FILIP1L: variants seen among roughly 807,000 people sequenced by gnomAD.
FILIP1L encodes filamin A interacting protein 1 like.
Under a neutral mutation model 96.6 loss-of-function variants are expected in FILIP1L, and 55 were observed. That is an observed-to-expected ratio of 0.57 (90% CI 0.46 to 0.71). FILIP1L has a LOEUF of 0.71. FILIP1L is among the 30% of genes least tolerant of loss of function. The probability of loss-of-function intolerance (pLI) is 0.00; values close to 1 mark genes in which losing one functional copy is unlikely to be tolerated. For synonymous variants in FILIP1L, 467 were observed against 473.9 expected (o/e 0.99, Z 0.19); for missense variants, 1,304 against 1,321.2 (o/e 0.99, Z 0.20).
At chr3:100,089,848 C>A (rs955812395) in intron 1 of FILIP1L, among the ~76,000 whole-genome samples, 1 of 152,140 alleles carries the variant, frequency 6.6e-6, no homozygotes, top group Non-Finnish European at 1.5e-5. Flanking sequence ...ATTTTTGCCA[C>A]CTACTAGTTC....
intron 4 of FILIP1L, among the ~76,000 whole-genome samples, chr3:99,858,363 G>T (rs1219202427): frequency 1.3e-5 from 2 of 152,014 alleles, no homozygotes; most frequent in Non-Finnish European, 2.9e-5. Flanking sequence ...TACTTGGGAG[G>T]CTGAGGCAGG....
chr3:100,026,201 A>G (rs535294957), intron 1 of FILIP1L, among the ~76,000 whole-genome samples: 38 of 152,192 alleles, frequency 2.5e-4, no homozygotes, highest in Non-Finnish European at 5.9e-5. Flanking sequence ...TATCCTTTTT[A>G]TGGCCTGTTT....
intron 4 of FILIP1L, among the ~76,000 whole-genome samples, chr3:99,917,804 G>A (rs1178206170): frequency 1.3e-5 from 2 of 152,116 alleles, no homozygotes; most frequent in African/African-American, 4.8e-5. Context: ...ATTTAAAGTT[G>A]GTGGTAGTCA....
intron 5 of FILIP1L, among the ~76,000 whole-genome samples, chr3:99,840,086 A>G (rs1943064196): frequency 6.6e-6 from 1 of 152,170 alleles, no homozygotes; most frequent in Non-Finnish European, 1.5e-5. Flanking sequence ...TAAACATTAT[A>G]CAGTGCATGA....
intron 1 of FILIP1L, among the ~76,000 whole-genome samples, chr3:100,085,002 C>A (rs776300332): frequency 3.9e-5 from 6 of 152,178 alleles, no homozygotes; most frequent in Non-Finnish European, 5.9e-5. Flanking sequence ...ATTTTTCTGT[C>A]ATTTGTTGAA....
At chr3:99,852,659 T>A (rs1559659997) in intron 4 of FILIP1L, among the ~76,000 whole-genome samples, 1 of 152,112 alleles carries the variant, frequency 6.6e-6, no homozygotes, top group Non-Finnish European at 1.5e-5. Flanking sequence ...TTGGCCAGGA[T>A]GGTCTCGATC....
intron 4 of FILIP1L, among the ~76,000 whole-genome samples, chr3:99,854,460 A>AG (rs1943855703): frequency 6.6e-6 from 1 of 152,178 alleles, no homozygotes; most frequent in African/African-American, 2.4e-5. Flanking sequence ...TCATTCCCTA[A>AG]GAGCTGTGTA....
At chr3:99,988,250 C>T (rs1709404973) in intron 1 of FILIP1L, among the ~76,000 whole-genome samples, 1 of 149,906 alleles carries the variant, frequency 6.7e-6, no homozygotes, top group African/African-American at 2.5e-5. Flanking sequence ...GTAATCCCAG[C>T]ACTTTGGGAG....
chr3:99,851,710 T>G (rs1943706076), intron 4 of FILIP1L, among the ~76,000 whole-genome samples: 1 of 152,232 alleles, frequency 6.6e-6, no homozygotes. Context: ...TTCAAGTCCT[T>G]GATTCTTAGT....
chr3:99,952,662 A>G (rs1708211056), intron 1 of FILIP1L, among the ~76,000 whole-genome samples: 1 of 152,214 alleles, frequency 6.6e-6, no homozygotes, highest in South Asian at 2.1e-4. Flanking sequence ...AGCACTGTTC[A>G]AGAAGCATGA....
intron 1 of FILIP1L, among the ~76,000 whole-genome samples, chr3:99,947,137 CAAAAA>C (rs397829321): frequency 2.3e-5 from 2 of 88,806 alleles, no homozygotes; most frequent in South Asian, 4.5e-4. Flanking sequence ...GACTCTGTCT[CAAAAA>C]AAAAAAAAAA....
chr3:100,040,403 G>A lies in FILIP1L; in HGVS notation c.-11+73650C>T, dbSNP rs371508264. The A allele has an allele frequency of 2.2e-4, 34 of 152,134 alleles. No individual in the cohort carries two copies. The East Asian group carries it at 3.9e-3, about 17-fold the overall frequency. The allele number at this position is 152,134 out of a possible 1,614,324, so 9.4% of individuals were successfully genotyped here. On this transcript the variant is annotated intron_variant, in intron 1 of 5. Transcript: ENST00000477258. ...ATCATTTGTATAGTTCCAGATAATAGCATTCCATTTTAATATAGATGAGTA... is the reference window on the plus strand; with the variant it reads ...ATCATTTGTATAGTTCCAGATAATAACATTCCATTTTAATATAGATGAGTA...
At chr3:99,972,467 A>G (rs1708851642) in intron 1 of FILIP1L, among the ~76,000 whole-genome samples, 1 of 152,196 alleles carries the variant, frequency 6.6e-6, no homozygotes, top group Non-Finnish European at 1.5e-5. Context: ...CTGGTAATCC[A>G]TTTTATTTCT....
intron 4 of FILIP1L, among the ~76,000 whole-genome samples, chr3:99,917,709 G>A (rs1706995693): frequency 6.6e-6 from 1 of 152,154 alleles, no homozygotes; most frequent in African/African-American, 2.4e-5. Context: ...GTGCAAAGGT[G>A]ATATTAGGTT....
chr3:99,979,695 C>G (rs1229074068), intron 1 of FILIP1L, among the ~76,000 whole-genome samples: 1 of 152,072 alleles, frequency 6.6e-6, no homozygotes, highest in Non-Finnish European at 1.5e-5. Context: ...ATACCATTAG[C>G]TTTTTATTTT....
chr3:99,913,254 T>G (rs1045527135), intron 4 of FILIP1L, among the ~76,000 whole-genome samples: 1 of 152,238 alleles, frequency 6.6e-6, no homozygotes, highest in Non-Finnish European at 1.5e-5. Context: ...AGGCAATAAT[T>G]CTACACTTAA....
intron 4 of FILIP1L, 152 bp downstream of exon 4, chr3:99,924,078 A>G: frequency 1.4e-6 from 1 of 702,440 alleles, no homozygotes; most frequent in East Asian, 2.5e-5. Context: ...TGTACTGATA[A>G]TGTCTTCAAA....
intron 1 of FILIP1L, among the ~76,000 whole-genome samples, chr3:100,076,113 G>A (rs2065846219): frequency 6.6e-6 from 1 of 152,156 alleles, no homozygotes; most frequent in Non-Finnish European, 1.5e-5. Context: ...TCTGCCATAT[G>A]TATAATTAAG....
chr3:100,080,196 C>T (rs2065909673), intron 1 of FILIP1L, among the ~76,000 whole-genome samples: 1 of 152,100 alleles, frequency 6.6e-6, no homozygotes, highest in Non-Finnish European at 1.5e-5. Flanking sequence ...ATTGCCCAGG[C>T]TGGTCTCAAA....
Sources: gnomAD v4.1 joint callset for allele counts (sites outside exome capture counted in the v4.1 genomes callset) on GRCh38, gnomAD v4.1.1 for gene constraint, MANE v1.5 for transcripts, NCBI Gene and HGNC (gene_info 2026-07-23, HGNC 2026-07-21) for gene names.